GLIS3: variants seen among roughly 807,000 people sequenced by gnomAD.
GLIS3 encodes the protein zinc finger protein GLIS3.
In GLIS3, 53 loss-of-function variants were observed where a neutral mutation model predicts 78.6. That is an observed-to-expected ratio of 0.67 (90% CI 0.54 to 0.85). GLIS3 has a LOEUF of 0.85. Ranked by LOEUF, GLIS3 falls within the 40% of genes least tolerant of loss-of-function variation. The probability of loss-of-function intolerance (pLI) is 0.00; values close to 1 mark genes in which losing one functional copy is unlikely to be tolerated. For synonymous variants in GLIS3, 684 were observed against 509.9 expected (o/e 1.34, Z -4.60); for missense variants, 1,703 against 1,231.1 (o/e 1.38, Z -5.74).
At chr9:4,415,660 C>T in the GLIS3 span, among the ~76,000 whole-genome samples, 1 of 152,116 alleles carries the variant, frequency 6.6e-6, no homozygotes, top group East Asian at 1.9e-4. Flanking sequence ...CAAATGTGAC[C>T]TTACAACAAT....
At chr9:4,351,292 T>A (rs1475312306), upstream of GLIS3, among the ~76,000 whole-genome samples, 1 of 149,656 alleles carries the variant, frequency 6.7e-6, no homozygotes, top group Non-Finnish European at 1.5e-5. Context: ...ATAGTCCCAA[T>A]AAGCTGGGAG....
intron 4 of GLIS3, among the ~76,000 whole-genome samples, chr9:3,973,429 G>A (rs998819357): frequency 5.3e-5 from 8 of 152,160 alleles, no homozygotes; most frequent in Non-Finnish European, 8.8e-5. Flanking sequence ...ACACTGTTGG[G>A]TGTGGCTGGT....
intron 4 of GLIS3, among the ~76,000 whole-genome samples, chr9:3,967,842 C>G (rs1042433418): frequency 1.3e-5 from 2 of 152,168 alleles, no homozygotes; most frequent in African/African-American, 4.8e-5. Flanking sequence ...TGCAGAAGGA[C>G]AGGCACCAAG....
At chr9:4,409,387 G>A in the GLIS3 span, among the ~76,000 whole-genome samples, 3 of 152,118 alleles carry the variant, frequency 2.0e-5, no homozygotes, top group South Asian at 6.2e-4. Context: ...ACTTAGGGAT[G>A]TAGATATTAC....
At chr9:3,867,534 G>C (rs1350364884) in intron 8 of GLIS3, among the ~76,000 whole-genome samples, 1 of 152,316 alleles carries the variant, frequency 6.6e-6, no homozygotes, top group East Asian at 1.9e-4. Flanking sequence ...TAAACATTGA[G>C]AAGTACCAGA....
At chr9:4,417,811 G>A in the GLIS3 span, among the ~76,000 whole-genome samples, 1 of 152,126 alleles carries the variant, frequency 6.6e-6, no homozygotes, top group South Asian at 2.1e-4. Flanking sequence ...ACAAGCCCAG[G>A]ACATTTTGCT....
chr9:4,141,931 T>C (rs1425077306), intron 2 of GLIS3, among the ~76,000 whole-genome samples: 1 of 152,230 alleles, frequency 6.6e-6, no homozygotes, highest in African/African-American at 2.4e-5. Flanking sequence ...ACTAGAGTAA[T>C]GTAAGCATTT....
intron 2 of GLIS3, among the ~76,000 whole-genome samples, chr9:4,233,888 T>C (rs1822489000): frequency 1.3e-5 from 2 of 152,238 alleles, no homozygotes; most frequent in African/African-American, 2.4e-5. Flanking sequence ...CTGCAGCTCC[T>C]ACATCACCAC....
Position 3,856,032 on chromosome 9 carries a change from T to G in GLIS3, c.2450A>C (p.Gln817Pro). 6.2e-7 allele frequency: 1 copy of G among 1,614,182 alleles called. No homozygotes were observed. The highest frequency in any genetic ancestry group is 8.5e-7 in the Non-Finnish European group (1 of 1,180,002). Residue 817 changes from glutamine to proline, a missense_variant, in exon 9 of 11, where the codon CAA becomes CCA. Physicochemically the swap from Gln to Pro is moderately conservative, Grantham distance 76 (BLOSUM62 -1). Coordinates refer to ENST00000381971, the MANE Select transcript of GLIS3 (RefSeq NM_001042413.2). ...ACCATGGACATGGATACCATTTGGT[T>G]GAAAAGAAGAGTTTGTTTCTGGCTG... ...SYQPETNSSF[Q>P]PNGIHVHGFY...
chr9:4,227,322 A>AGT (rs1821859819), intron 2 of GLIS3, among the ~76,000 whole-genome samples: 4 of 151,648 alleles, frequency 2.6e-5, no homozygotes, highest in Non-Finnish European at 5.9e-5. Flanking sequence ...AAAAAAAAAA[A>AGT]AAGTAAGTAA....
chr9:4,292,252 G>C (rs1249586361), intron 1 of GLIS3, among the ~76,000 whole-genome samples: 1 of 152,056 alleles, frequency 6.6e-6, no homozygotes, highest in Non-Finnish European at 1.5e-5. Context: ...AATGAAATAG[G>C]ACTACTAGAA....
chr9:3,898,897 G>T (rs950606396), intron 6 of GLIS3, 62 bp from the exon 7 acceptor site: 4 of 1,609,692 alleles, frequency 2.5e-6, no homozygotes, highest in Non-Finnish European at 3.4e-6. Context: ...TATTTTCCTG[G>T]GAAGGCATCA....
the GLIS3 span, among the ~76,000 whole-genome samples, chr9:4,464,221 G>A: frequency 6.6e-6 from 1 of 151,988 alleles, no homozygotes; most frequent in Non-Finnish European, 1.5e-5. Context: ...AAGAGAGCAG[G>A]CCTGGGGGTC....
chr9:4,376,950 G>A, the GLIS3 span, among the ~76,000 whole-genome samples: 2 of 134,956 alleles, frequency 1.5e-5, 1 homozygote, highest in African/African-American at 5.2e-5. Context: ...GGCAAAGGAT[G>A]CAGGCTCTGA....
At chr9:4,206,052 A>G (rs1201274687) in intron 2 of GLIS3, among the ~76,000 whole-genome samples, 1 of 152,186 alleles carries the variant, frequency 6.6e-6, no homozygotes, top group Admixed American at 6.5e-5. Flanking sequence ...CTAGAAGAGA[A>G]GAGTTGAAGG....
intron 7 of GLIS3, among the ~76,000 whole-genome samples, chr9:3,892,846 TTC>T (rs1375727090): frequency 3.3e-5 from 5 of 152,182 alleles, no homozygotes; most frequent in South Asian, 4.1e-4. Flanking sequence ...TTATCCTGAA[TTC>T]TCTGTTTTGC....
At chr9:4,180,204 G>A (rs1817183581) in intron 2 of GLIS3, among the ~76,000 whole-genome samples, 2 of 152,114 alleles carry the variant, frequency 1.3e-5, no homozygotes, top group African/African-American at 2.4e-5. Context: ...AGGAGATGGG[G>A]ACTGGAGAGA....
the GLIS3 span, among the ~76,000 whole-genome samples, chr9:4,433,715 G>A: frequency 6.6e-6 from 1 of 152,206 alleles, no homozygotes; most frequent in Non-Finnish European, 1.5e-5. Flanking sequence ...CCTTGTCAGA[G>A]CCCATCTGTG....
chr9:4,218,314 C>A (rs890905208), intron 2 of GLIS3, among the ~76,000 whole-genome samples: 1 of 152,048 alleles, frequency 6.6e-6, no homozygotes, highest in Non-Finnish European at 1.5e-5. Flanking sequence ...GATGGAGTCT[C>A]GCTCTGTCGC....
Sources: gnomAD v4.1 joint callset for allele counts (sites outside exome capture counted in the v4.1 genomes callset) on GRCh38, gnomAD v4.1.1 for gene constraint, MANE v1.5 for transcripts, NCBI Gene and HGNC (gene_info 2026-07-23, HGNC 2026-07-21) for gene names.